SMYD3: variants seen among roughly 807,000 people sequenced by gnomAD.
SMYD3 encodes SET and MYND domain containing 3, also known as histone-lysine N-methyltransferase SMYD3.
SMYD3 carries 36 observed loss-of-function variants against 57.7 expected under a neutral mutation model. The observed-to-expected ratio is 0.62, with a 90% CI of 0.48 to 0.82. The LOEUF is 0.82. Ranked by LOEUF, SMYD3 falls within the 40% of genes least tolerant of loss-of-function variation. SMYD3 has a pLI of 0.00. For missense variants in SMYD3, 515 were observed against 538.8 expected (o/e 0.96, Z 0.44); for synonymous variants, 211 against 195.0 (o/e 1.08, Z -0.68).
rs183922175 is a variant in SMYD3 at position 245,991,340 on chromosome 1, T to C, written c.532-61403A>G. On this transcript the variant is annotated intron_variant, in intron 5 of 11. Transcript: ENST00000490107. ...GAATAGAGCCACAGCTTAAAAGTTA[T>C]GTCGTTATAGACAGAGATACCAGCA... Among the ~76,000 whole-genome samples the C allele has an allele frequency of 3.1e-3, 466 of 152,338 alleles. 1 individual carries two copies. The highest frequency in any genetic ancestry group is 0.01 in the African/African-American group (421 of 41,580).
chr1:246,218,371 C>T (rs1372604424), intron 5 of SMYD3, among the ~76,000 whole-genome samples: 2 of 152,060 alleles, frequency 1.3e-5, no homozygotes, highest in Non-Finnish European at 2.9e-5. Context: ...CGCCTGTAAT[C>T]CCAGCACTTT....
intron 10 of SMYD3, among the ~76,000 whole-genome samples, chr1:245,839,089 T>C (rs928137381): frequency 6.6e-6 from 1 of 152,246 alleles, no homozygotes; most frequent in Non-Finnish European, 1.5e-5. Context: ...CCTCTGTCTC[T>C]GCCCTCTCCT....
At chr1:246,228,262 G>A (rs184552006) in intron 5 of SMYD3, among the ~76,000 whole-genome samples, 129 of 152,090 alleles carry the variant, frequency 8.5e-4, no homozygotes, top group Admixed American at 1.5e-3. Flanking sequence ...GAGCCACTGC[G>A]CCCGGCCTCA....
At chr1:246,367,691 C>T (rs2066129058) in intron 1 of SMYD3, among the ~76,000 whole-genome samples, 1 of 152,018 alleles carries the variant, frequency 6.6e-6, no homozygotes, top group South Asian at 2.1e-4. Context: ...CTCAGCCTCC[C>T]AAAGTGCTGA....
At chr1:246,278,636 C>A (rs368586426) in intron 5 of SMYD3, among the ~76,000 whole-genome samples, 1 of 152,118 alleles carries the variant, frequency 6.6e-6, no homozygotes, top group Non-Finnish European at 1.5e-5. Context: ...GTGGCCCAAG[C>A]GAGCTGGGAA....
chr1:246,055,653 A>G (rs1352161451), intron 5 of SMYD3, among the ~76,000 whole-genome samples: 1 of 152,212 alleles, frequency 6.6e-6, no homozygotes, highest in African/African-American at 2.4e-5. Flanking sequence ...ATATACATAC[A>G]ATGCAATATT....
At chr1:246,143,166 A>AC (rs1558264836) in intron 5 of SMYD3, among the ~76,000 whole-genome samples, 15 of 106,072 alleles carry the variant, frequency 1.4e-4, no homozygotes, top group African/African-American at 5.6e-4. Context: ...CACACACACA[A>AC]ACATGCATCC....
chr1:246,287,647 T>G (rs574753392), intron 5 of SMYD3, among the ~76,000 whole-genome samples: 2 of 152,186 alleles, frequency 1.3e-5, no homozygotes, highest in African/African-American at 4.8e-5. Flanking sequence ...TAATTAGATT[T>G]GGGGGGGTTT....
chr1:245,806,803 G>T (rs560507904), intron 10 of SMYD3, among the ~76,000 whole-genome samples: 71 of 150,958 alleles, frequency 4.7e-4, no homozygotes, highest in African/African-American at 1.7e-3. Flanking sequence ...CCAGCTACTC[G>T]GGAGGCTGAG....
At chr1:246,186,779 T>C in intron 5 of SMYD3, 1 of 985,376 alleles carries the variant, frequency 1.0e-6, no homozygotes. Flanking sequence ...ACAACAGCAG[T>C]TCCTCAGCCA....
chr1:246,102,177 C>A (rs966710282), intron 5 of SMYD3, among the ~76,000 whole-genome samples: 5 of 152,206 alleles, frequency 3.3e-5, no homozygotes, highest in Admixed American at 3.3e-4. Context: ...AAGCTTGAAC[C>A]TGTGTCACCT....
intron 8 of SMYD3, among the ~76,000 whole-genome samples, chr1:245,894,975 G>A (rs1167717719): frequency 6.6e-6 from 1 of 152,208 alleles, no homozygotes; most frequent in African/African-American, 2.4e-5. Flanking sequence ...TGTCCTCTGG[G>A]GAGAAGGCAG....
chr1:246,043,438 T>C (rs1204384800), intron 5 of SMYD3, among the ~76,000 whole-genome samples: 5 of 152,236 alleles, frequency 3.3e-5, no homozygotes, highest in African/African-American at 7.2e-5. Flanking sequence ...ATTGAAACTA[T>C]ATCTTGAGAT....
At chr1:246,060,625 TA>T (rs1216533930) in intron 5 of SMYD3, among the ~76,000 whole-genome samples, 1 of 152,204 alleles carries the variant, frequency 6.6e-6, no homozygotes, top group Non-Finnish European at 1.5e-5. Flanking sequence ...GATCATATGA[TA>T]ATTTCTCCTT....
At chr1:246,358,014 T>C (rs1374402166) in intron 1 of SMYD3, among the ~76,000 whole-genome samples, 3 of 152,068 alleles carry the variant, frequency 2.0e-5, no homozygotes, top group African/African-American at 4.8e-5. Context: ...TTAAAAGATA[T>C]GGAATGGCAG....
At chr1:245,947,546 A>T in intron 5 of SMYD3, 1 of 376,448 alleles carries the variant, frequency 2.7e-6, no homozygotes, top group East Asian at 8.4e-5. Flanking sequence ...TTTCTAAACC[A>T]TCGGCTAATG....
chr1:245,806,916 C>CAAAAAAAAAAA lies in SMYD3; in HGVS notation c.1077-42778_1077-42768dup, dbSNP rs112012738. ...TGGGCGACAGAGCGAGACTCCGTCT[C>CAAAAAAAAAAA]AAAAAAAAAAAAAAAAAAAAAAAAA... is the stretch of plus-strand genomic sequence containing the variant. On this transcript the variant is annotated intron_variant, in intron 10 of 11. Coordinates refer to ENST00000490107, the MANE Select transcript of SMYD3 (RefSeq NM_001167740.2). 7.7e-4 allele frequency among the ~76,000 whole-genome samples: 32 copies of CAAAAAAAAAAA among 41,328 alleles called. 1 individual carries two copies. Among genetic ancestry groups the CAAAAAAAAAAA allele is most frequent in the South Asian group, 3.5e-3 (3 of 854 alleles). 27.1% of individuals were successfully genotyped at this position (41,328 alleles called of 152,430 possible). A position where few individuals can be genotyped will look rare whatever the true frequency, so the allele number is the denominator to read the frequency against.
intron 5 of SMYD3, among the ~76,000 whole-genome samples, chr1:246,104,635 A>T (rs537497908): frequency 2.1e-4 from 32 of 151,528 alleles, no homozygotes; most frequent in Admixed American, 1.4e-3. Context: ...CAGACTGGAA[A>T]TGGGGGGAAA....
chr1:246,269,533 CTTT>C (rs139750750), intron 5 of SMYD3, among the ~76,000 whole-genome samples: 2 of 138,784 alleles, frequency 1.4e-5, no homozygotes, highest in African/African-American at 5.3e-5. Flanking sequence ...CTTTCTGTTT[CTTT>C]TTTTTTCTTT....
Sources: allele counts gnomAD v4.1 joint callset (sites outside exome capture counted in the v4.1 genomes callset), GRCh38; gene constraint gnomAD v4.1.1; transcripts MANE v1.5; gene names NCBI Gene and HGNC (gene_info 2026-07-23, HGNC 2026-07-21).